Variants in NRXN3 observed in about 807,000 individuals in gnomAD.
NRXN3 encodes the protein neurexin III.
NRXN3 carries 32 observed loss-of-function variants against 137.6 expected under a neutral mutation model. The ratio of observed to expected loss-of-function variants is 0.23; its 90% CI spans 0.18 to 0.31. NRXN3 has a LOEUF of 0.31. Among genes scored for constraint, NRXN3 ranks in the 10% least tolerant of loss-of-function variants. The pLI is 1.00. For synonymous variants in NRXN3, 798 were observed against 784.5 expected, an observed-to-expected ratio of 1.02 and a Z score of -0.29; for missense variants, 1,574 against 2,062.5, an observed-to-expected ratio of 0.76 and a Z score of 4.59.
chr14:79,791,228 G>T (rs2099144162), intron 19 of NRXN3: 1 of 152,192 alleles, frequency 6.6e-6, no homozygotes, highest in Non-Finnish European at 1.5e-5. Context: ...GAGTGCCAAA[G>T]GAGGAGACCA....
At chr14:78,685,095 C>T (rs2098114000) in intron 6 of NRXN3, among the ~76,000 whole-genome samples, 1 of 152,142 alleles carries the variant, frequency 6.6e-6, no homozygotes, top group Non-Finnish European at 1.5e-5. Context: ...AAGGCCTTTC[C>T]TCAGTGCTTT....
intron 17 of NRXN3, among the ~76,000 whole-genome samples, chr14:79,674,519 G>T (rs937777469): frequency 3.9e-5 from 6 of 151,930 alleles, no homozygotes; most frequent in Non-Finnish European, 7.4e-5. Flanking sequence ...TCCACCAAGG[G>T]TCAACTCTGA....
chr14:79,437,644 G>A (rs2095865598), intron 15 of NRXN3, among the ~76,000 whole-genome samples: 1 of 152,150 alleles, frequency 6.6e-6, no homozygotes, highest in Non-Finnish European at 1.5e-5. Context: ...ACATGGCATG[G>A]CTGCCGAACC....
At chr14:78,514,019 T>C (rs944515828) in intron 4 of NRXN3, among the ~76,000 whole-genome samples, 1 of 152,180 alleles carries the variant, frequency 6.6e-6, no homozygotes, top group Non-Finnish European at 1.5e-5. Context: ...GTGTCATCTA[T>C]GTGCATCTTT....
At chr14:79,257,673 T>C (rs2076979957) in intron 15 of NRXN3, among the ~76,000 whole-genome samples, 1 of 148,938 alleles carries the variant, frequency 6.7e-6, no homozygotes, top group Non-Finnish European at 1.5e-5. Flanking sequence ...CAAGAAAGTG[T>C]GGGAATGTGT....
intron 4 of NRXN3, among the ~76,000 whole-genome samples, chr14:78,468,164 T>A (rs2095169240): frequency 6.6e-6 from 1 of 152,154 alleles, no homozygotes; most frequent in Non-Finnish European, 1.5e-5. Flanking sequence ...AGCTTTATTA[T>A]TGTTAGTGAT....
chr14:79,638,905 TG>T (rs1302078157), intron 16 of NRXN3, among the ~76,000 whole-genome samples: 2 of 152,164 alleles, frequency 1.3e-5, no homozygotes, highest in African/African-American at 4.8e-5. Context: ...AAGGAGGAAA[TG>T]TGAAATGTTT....
chr14:79,132,830 G>A (rs1251715096), intron 15 of NRXN3, among the ~76,000 whole-genome samples: 1 of 152,218 alleles, frequency 6.6e-6, no homozygotes, highest in Non-Finnish European at 1.5e-5. Context: ...GAGAAGTTGA[G>A]CTGCGATGCA....
At chr14:79,729,212 CATTT>C (rs887310606) in intron 19 of NRXN3, among the ~76,000 whole-genome samples, 14 of 152,102 alleles carry the variant, frequency 9.2e-5, no homozygotes, top group Non-Finnish European at 1.5e-4. Flanking sequence ...ACAAAGTTGG[CATTT>C]ATTTATTTTA....
chr14:79,109,343 T>C (rs114428037), intron 15 of NRXN3, among the ~76,000 whole-genome samples: 2,694 of 152,296 alleles, frequency 0.018, 66 homozygotes, highest in African/African-American at 0.05. Flanking sequence ...AAGAACTAGA[T>C]AATTCTATTT....
At chr14:79,616,078 G>C (rs1282717170) in intron 16 of NRXN3, among the ~76,000 whole-genome samples, 1 of 152,158 alleles carries the variant, frequency 6.6e-6, no homozygotes, top group Non-Finnish European at 1.5e-5. Flanking sequence ...CACCAAGGAA[G>C]TTAGAGTTAA....
At chr14:78,718,537 G>A (rs956564717) in intron 8 of NRXN3, among the ~76,000 whole-genome samples, 5 of 152,126 alleles carry the variant, frequency 3.3e-5, no homozygotes, top group African/African-American at 1.2e-4. Context: ...TAAGGCCTGG[G>A]AAGTAGAAAG....
chr14:78,823,538 A>G (rs1000985320), intron 10 of NRXN3, among the ~76,000 whole-genome samples: 1 of 152,202 alleles, frequency 6.6e-6, no homozygotes, highest in Admixed American at 6.5e-5. Flanking sequence ...CTCTTATCAC[A>G]GTTATATGCT....
intron 10 of NRXN3, among the ~76,000 whole-genome samples, chr14:78,877,102 G>A (rs1373057719): frequency 6.6e-6 from 1 of 152,132 alleles, no homozygotes; most frequent in Non-Finnish European, 1.5e-5. Flanking sequence ...ATTTGTACTC[G>A]ATATTGTAGA....
intron 4 of NRXN3, among the ~76,000 whole-genome samples, chr14:78,512,015 G>A (rs746736681): frequency 4.6e-5 from 7 of 152,126 alleles, no homozygotes; most frequent in East Asian, 1.9e-4. Flanking sequence ...TGCACAATGC[G>A]TGACACACAG....
chr14:79,740,738 A>G (rs2098959680), intron 19 of NRXN3, among the ~76,000 whole-genome samples: 1 of 41,896 alleles, frequency 2.4e-5, no homozygotes, highest in African/African-American at 9.3e-5. Flanking sequence ...ATATATATAT[A>G]TATATATATA....
At chr14:79,320,842 C>CTT (rs879619303) in intron 15 of NRXN3, among the ~76,000 whole-genome samples, 2 of 138,538 alleles carry the variant, frequency 1.4e-5, no homozygotes, top group African/African-American at 2.6e-5. Flanking sequence ...TTAGCAAGGA[C>CTT]TTTTTTTTTT....
intron 10 of NRXN3, among the ~76,000 whole-genome samples, chr14:78,847,240 G>T (rs565479596): frequency 1.3e-5 from 2 of 152,116 alleles, no homozygotes; most frequent in South Asian, 2.1e-4. Context: ...TCTGGTAAAG[G>T]TGACAGCCTT....
intron 10 of NRXN3, among the ~76,000 whole-genome samples, chr14:78,926,893 T>TATTATATATA (rs1555587455): frequency 3.7e-5 from 1 of 26,918 alleles, no homozygotes; most frequent in East Asian, 2.2e-3. Flanking sequence ...TATTTATATA[T>TATTATATATA]ATATATAATA....
Sources: allele counts gnomAD v4.1 joint callset (sites outside exome capture counted in the v4.1 genomes callset), GRCh38; gene constraint gnomAD v4.1.1; transcripts MANE v1.5; gene names NCBI Gene and HGNC (gene_info 2026-07-23, HGNC 2026-07-21).